HMGCL: variants seen among roughly 807,000 people sequenced by gnomAD.
The protein encoded by HMGCL is hydroxymethylglutaryl-CoA lyase, mitochondrial.
In HMGCL, 26 loss-of-function variants were observed where a neutral mutation model predicts 37.3. That is an observed-to-expected ratio of 0.70 (90% CI 0.51 to 0.97). The LOEUF is 0.97. Among genes scored for constraint, HMGCL ranks in the 50% least tolerant of loss-of-function variants. The probability of loss-of-function intolerance (pLI) is 0.00; values close to 1 mark genes in which losing one functional copy is unlikely to be tolerated. For missense variants in HMGCL, 379 were observed against 398.1 expected (o/e 0.95, Z 0.41); for synonymous variants, 151 against 148.0 (o/e 1.02, Z -0.15).
chr1:23,810,699 C>A (rs764272559), intron 6 of HMGCL, 37 bp downstream of exon 6: 2 of 1,599,630 alleles, frequency 1.3e-6, no homozygotes, highest in Middle Eastern at 1.7e-4. Context: ...AGGTGGCCAA[C>A]CCTCACCAAA....
At chr1:23,809,126 G>C (rs1295574910) in intron 6 of HMGCL, among the ~76,000 whole-genome samples, 1 of 149,720 alleles carries the variant, frequency 6.7e-6, no homozygotes, top group Non-Finnish European at 1.5e-5. Context: ...GGCTGGTCTT[G>C]AACTCCTGAC....
chr1:23,808,004 G>T, intron 7 of HMGCL, 131 bp downstream of exon 7: 1 of 805,290 alleles, frequency 1.2e-6, no homozygotes, highest in Non-Finnish European at 2.1e-6. Context: ...GGGTCACCAT[G>T]ACTGTGTCCA....
At chr1:23,807,186 G>A (rs1416366918) in intron 7 of HMGCL, 2 of 519,036 alleles carry the variant, frequency 3.9e-6, no homozygotes, top group Admixed American at 3.9e-5. Flanking sequence ...TTACCTGCCT[G>A]GCAAGGCATA....
chr1:23,807,441 T>C (rs2148418696), intron 7 of HMGCL, among the ~76,000 whole-genome samples: 1 of 152,318 alleles, frequency 6.6e-6, no homozygotes, highest in African/African-American at 2.4e-5. Context: ...CTGCCATCAC[T>C]ATCCTAGAGA....
At chr1:23,804,203 T>C (rs949511739) in intron 8 of HMGCL, 197 bp downstream of exon 8, 5 of 662,616 alleles carry the variant, frequency 7.5e-6, no homozygotes, top group African/African-American at 1.8e-5. Flanking sequence ...CTCAAACTCC[T>C]GGGCTCAAGT....
At chr1:23,824,234 C>G (rs1280265426) in intron 1 of HMGCL, among the ~76,000 whole-genome samples, 1 of 152,158 alleles carries the variant, frequency 6.6e-6, no homozygotes, top group African/African-American at 2.4e-5. Flanking sequence ...ATCCCAACTC[C>G]GTAGGTGAAG....
At chr1:23,818,631 G>A (rs1334621291) in intron 2 of HMGCL, among the ~76,000 whole-genome samples, 3 of 151,478 alleles carry the variant, frequency 2.0e-5, no homozygotes, top group Non-Finnish European at 4.4e-5. Context: ...AGCTCACTGC[G>A]ACCTCCGCCT....
chr1:23,809,011 T>C (rs935199123), intron 6 of HMGCL, among the ~76,000 whole-genome samples: 2 of 150,312 alleles, frequency 1.3e-5, no homozygotes, highest in African/African-American at 4.9e-5. Flanking sequence ...GTTCAAGTGA[T>C]TCTCCTGTCT....
chr1:23,803,613 G>A (rs1341905580), intron 8 of HMGCL: 3 of 152,364 alleles, frequency 2.0e-5, no homozygotes, highest in Non-Finnish European at 4.4e-5. Flanking sequence ...TGGGATTACA[G>A]GCGTGCGCCT....
rs192207347 is a variant in HMGCL, at chr1:23,815,379, C to T, written c.349-1041G>A. On this transcript the variant is annotated intron_variant, in intron 4 of 8. Coordinates refer to ENST00000374490, the MANE Select transcript of HMGCL (RefSeq NM_000191.3). Reference sequence around the variant, plus strand: ...GGCATAGGACAGATTCTCCCAGAGGCCTCAGAAGGAACCAATCCTGCTGAC... The same window carrying T: ...GGCATAGGACAGATTCTCCCAGAGGTCTCAGAAGGAACCAATCCTGCTGAC... 4.2e-3 allele frequency among the ~76,000 whole-genome samples: 642 copies of T among 152,194 alleles called. 6 individuals are homozygous for T. The highest frequency in any genetic ancestry group is 0.013 in the African/African-American group (541 of 41,542).
At chr1:23,822,427 A>T (rs1472544079) in intron 1 of HMGCL, among the ~76,000 whole-genome samples, 1 of 151,868 alleles carries the variant, frequency 6.6e-6, no homozygotes, top group African/African-American at 2.4e-5. Flanking sequence ...TCTTTCCTCT[A>T]CCTGTCTTGA....
At chr1:23,809,143 T>A (rs1638469114) in intron 6 of HMGCL, 1 of 149,830 alleles carries the variant, frequency 6.7e-6, no homozygotes, top group African/African-American at 2.5e-5. Flanking sequence ...TGACCTCAGG[T>A]GATCCACATG....
intron 1 of HMGCL, among the ~76,000 whole-genome samples, chr1:23,821,661 A>G (rs1638724028): frequency 6.6e-6 from 1 of 152,114 alleles, no homozygotes; most frequent in South Asian, 2.1e-4. Flanking sequence ...CCTGTCTCAA[A>G]AAAAAAAATT....
intron 1 of HMGCL, among the ~76,000 whole-genome samples, chr1:23,823,795 G>A (rs944149094): frequency 4.0e-5 from 6 of 151,836 alleles, no homozygotes; most frequent in African/African-American, 1.5e-4. Flanking sequence ...GGAGGCAGAG[G>A]TTGCAGTGAG....
chr1:23,808,917 A>AT (rs1255395948), intron 6 of HMGCL, among the ~76,000 whole-genome samples: 1 of 150,338 alleles, frequency 6.7e-6, no homozygotes, highest in Non-Finnish European at 1.5e-5. Context: ...ACATATATAT[A>AT]TTTTTTGAGA....
At chr1:23,807,909 G>A (rs1274098700) in intron 7 of HMGCL, among the ~76,000 whole-genome samples, 1 of 152,122 alleles carries the variant, frequency 6.6e-6, no homozygotes, top group Non-Finnish European at 1.5e-5. Flanking sequence ...CTCCCTTCAT[G>A]GCATCTGTCA....
chr1:23,814,078 A>G (rs182190933), intron 5 of HMGCL, 112 bp downstream of exon 5: 2 of 1,130,972 alleles, frequency 1.8e-6, no homozygotes, highest in Admixed American at 3.4e-5. Context: ...TGTGGAGCTC[A>G]GGCTGCCCCC....
At chr1:23,819,455 G>A (rs140046901) in intron 2 of HMGCL, among the ~76,000 whole-genome samples, 82 of 152,244 alleles carry the variant, frequency 5.4e-4, no homozygotes, top group African/African-American at 1.5e-3. Flanking sequence ...ATGGCCAGGC[G>A]CATTGGCTCA....
intron 1 of HMGCL, among the ~76,000 whole-genome samples, chr1:23,823,731 A>G (rs1638764890): frequency 6.6e-6 from 1 of 151,906 alleles, no homozygotes; most frequent in Non-Finnish European, 1.5e-5. Flanking sequence ...ATTTTACTGT[A>G]AGAAATCTAA....
Sources: gnomAD v4.1 joint callset for allele counts (sites outside exome capture counted in the v4.1 genomes callset) on GRCh38, gnomAD v4.1.1 for gene constraint, MANE v1.5 for transcripts, NCBI Gene and HGNC (gene_info 2026-07-23, HGNC 2026-07-21) for gene names.